Variants in ABI1 observed in about 807,000 individuals in gnomAD.
ABI1 encodes the protein abl interactor 1.
Under a neutral mutation model 54.6 loss-of-function variants are expected in ABI1, and 14 were observed. The ratio of observed to expected loss-of-function variants is 0.26; its 90% CI spans 0.17 to 0.40. ABI1 has a LOEUF of 0.40. Among genes scored for constraint, ABI1 ranks in the 10% least tolerant of loss-of-function variants. The pLI is 1.00. For synonymous variants in ABI1, 194 were observed against 209.3 expected (o/e 0.93, Z 0.63); for missense variants, 443 against 598.3 (o/e 0.74, Z 2.71).
chr10:26,856,331 C>T (rs964870409), intron 1 of ABI1, among the ~76,000 whole-genome samples: 3 of 145,042 alleles, frequency 2.1e-5, no homozygotes, highest in African/African-American at 7.7e-5. Context: ...GATTTGGAAT[C>T]GAGAAAATCT....
chr10:26,849,540 T>C (rs942380504), intron 1 of ABI1, among the ~76,000 whole-genome samples: 2 of 152,218 alleles, frequency 1.3e-5, no homozygotes, highest in African/African-American at 4.8e-5. Flanking sequence ...AATAAGCCAA[T>C]TGTTCATGGA....
chr10:26,759,514 CTAATA>C (rs1318528166), intron 7 of ABI1, among the ~76,000 whole-genome samples: 1 of 151,996 alleles, frequency 6.6e-6, no homozygotes, highest in African/African-American at 2.4e-5. Flanking sequence ...TGGTACTTTG[CTAATA>C]TGATATATAA....
chr10:26,838,292 G>A (rs1419958031), intron 1 of ABI1, among the ~76,000 whole-genome samples: 1 of 152,086 alleles, frequency 6.6e-6, no homozygotes, highest in Middle Eastern at 3.2e-3. Context: ...GAAGTGCTGG[G>A]ATTACAGGCA....
chr10:26,781,317 C>A (rs1842071239), intron 2 of ABI1, among the ~76,000 whole-genome samples: 1 of 152,260 alleles, frequency 6.6e-6, no homozygotes, highest in Non-Finnish European at 1.5e-5. Context: ...TTCAAGAATG[C>A]AGCCAGTCTG....
At chr10:26,820,395 C>A (rs2047892672) in intron 2 of ABI1, among the ~76,000 whole-genome samples, 1 of 151,806 alleles carries the variant, frequency 6.6e-6, no homozygotes, top group East Asian at 1.9e-4. Flanking sequence ...TTTTTCTGAC[C>A]AGTAAGAAAT....
chr10:26,797,538 G>A (rs780430826), intron 2 of ABI1, among the ~76,000 whole-genome samples: 1 of 152,084 alleles, frequency 6.6e-6, no homozygotes, highest in Non-Finnish European at 1.5e-5. Flanking sequence ...ATAACAGCTT[G>A]GTACAGAAGA....
chr10:26,763,818 G>A lies in ABI1; in HGVS notation c.820+1400C>T, dbSNP rs1467281485. The A allele has an allele frequency of 4.9e-6, 7 of 1,421,090 alleles. No homozygotes were observed. In the African/African-American group the frequency reaches 7.1e-5, roughly 14 times the overall value. The allele number at this position is 1,421,090 out of a possible 1,614,324, so 88.0% of individuals were successfully genotyped here. On this transcript the variant is annotated intron_variant, in intron 7 of 10. Coordinates refer to ENST00000376140, the MANE Select transcript of ABI1 (RefSeq NM_001012750.3). ...TAAAAGCCAGCACTCTACTAGCACA[G>A]AGGAGTTTATTATGAATTATGTAAA...
At chr10:26,843,792 TACC>T (rs2049772742) in intron 1 of ABI1, among the ~76,000 whole-genome samples, 1 of 151,932 alleles carries the variant, frequency 6.6e-6, no homozygotes, top group East Asian at 1.9e-4. Flanking sequence ...TAGCTCTATA[TACC>T]ACAAGACATT....
rs1427657609 is a variant in ABI1 at position 26,771,454 on chromosome 10, G to C, written c.463-365C>G. 2.0e-5 allele frequency among the ~76,000 whole-genome samples: 3 copies of C among 152,154 alleles called. No individual in the cohort carries two copies. In the East Asian group the frequency reaches 5.8e-4, roughly 29 times the overall value. ...AACACCATAACACATTAGATGTGAA[G>C]CTATTTTAACATATCGGTGCATGAG... On this transcript the variant is annotated intron_variant, in intron 3 of 10. Transcript: ENST00000376140.
intron 8 of ABI1, among the ~76,000 whole-genome samples, chr10:26,758,715 G>C (rs1376659434): frequency 6.6e-6 from 1 of 152,164 alleles, no homozygotes; most frequent in Non-Finnish European, 1.5e-5. Flanking sequence ...TTACTACGCT[G>C]TCTCAAACAT....
chr10:26,819,217 C>A (rs970433325), intron 2 of ABI1, among the ~76,000 whole-genome samples: 1 of 151,796 alleles, frequency 6.6e-6, no homozygotes, highest in Non-Finnish European at 1.5e-5. Context: ...AGCACCCCCC[C>A]CAAAAAAAAT....
intron 1 of ABI1, among the ~76,000 whole-genome samples, chr10:26,834,797 T>C (rs1465679504): frequency 6.6e-6 from 1 of 150,858 alleles, no homozygotes; most frequent in Non-Finnish European, 1.5e-5. Flanking sequence ...TGAAACCCTG[T>C]CTCTACTAAA....
At chr10:26,803,893 T>C (rs2046715879) in intron 2 of ABI1, among the ~76,000 whole-genome samples, 1 of 151,500 alleles carries the variant, frequency 6.6e-6, no homozygotes, top group South Asian at 2.1e-4. Context: ...AAAGAAAGAA[T>C]AGCCATTAAA....
At position 26,858,549 on chromosome 10, in the gene ABI1, A is replaced by C. The variant is rs868546467; in HGVS notation, c.117+2198T>G. 4.3e-3 allele frequency among the ~76,000 whole-genome samples: 542 copies of C among 124,602 alleles called. 1 individual carries two copies. The highest frequency in any genetic ancestry group is 7.1e-3 in the Non-Finnish European group (439 of 61,666). The allele number at this position is 124,602 out of a possible 152,430, so 81.7% of individuals were successfully genotyped here. The stretch of plus-strand genomic sequence containing the variant: ...CCCCACAAAAAAAGAAAAAAAAAAA[A>C]AAAAAAAAAAAAAACGGGGCCACTG... On this transcript the variant is annotated intron_variant, in intron 1 of 10. Transcript: ENST00000376140.
At chr10:26,791,068 C>CAAAAAAAAAAAAAAAAAAAAAAA (rs369738380) in intron 2 of ABI1, among the ~76,000 whole-genome samples, 1 of 59,138 alleles carries the variant, frequency 1.7e-5, no homozygotes. Context: ...GATTCCGTCT[C>CAAAAAAAAAAAAAAAAAAAAAAA]AAAAAAAAAA....
chr10:26,823,545 C>T (rs2048121341), intron 1 of ABI1, among the ~76,000 whole-genome samples: 1 of 152,168 alleles, frequency 6.6e-6, no homozygotes, highest in South Asian at 2.1e-4. Context: ...TAACTGTAGT[C>T]ACAGTATCAG....
At chr10:26,791,201 A>C (rs1419965900) in intron 2 of ABI1, among the ~76,000 whole-genome samples, 2 of 152,186 alleles carry the variant, frequency 1.3e-5, no homozygotes, top group Non-Finnish European at 2.9e-5. Flanking sequence ...AACATAACAT[A>C]ATCAAGAGAA....
At chr10:26,824,471 A>G (rs1236800623) in intron 1 of ABI1, among the ~76,000 whole-genome samples, 1 of 152,220 alleles carries the variant, frequency 6.6e-6, no homozygotes, top group Non-Finnish European at 1.5e-5. Flanking sequence ...AACAACCCAT[A>G]TAACTATCAA....
intron 1 of ABI1, among the ~76,000 whole-genome samples, chr10:26,834,418 A>G (rs1198703075): frequency 6.6e-6 from 1 of 152,116 alleles, no homozygotes; most frequent in Non-Finnish European, 1.5e-5. Flanking sequence ...AAATATTTGC[A>G]AACTATCCAT....
Sources: gnomAD v4.1 joint callset for allele counts (sites outside exome capture counted in the v4.1 genomes callset) on GRCh38, gnomAD v4.1.1 for gene constraint, MANE v1.5 for transcripts, NCBI Gene and HGNC (gene_info 2026-07-23, HGNC 2026-07-21) for gene names.